Variants in CIT observed in about 807,000 individuals in gnomAD.
CIT encodes citron rho-interacting serine/threonine kinase.
CIT carries 79 observed loss-of-function variants against 272.7 expected under a neutral mutation model. The observed-to-expected ratio is 0.29, with a 90% CI of 0.24 to 0.35. The LOEUF (loss-of-function observed/expected upper bound fraction) is 0.35. Among genes scored for constraint, CIT ranks in the 10% least tolerant of loss-of-function variants. CIT has a pLI of 1.00. For synonymous variants in CIT, 948 were observed against 995.6 expected, an observed-to-expected ratio of 0.95 and a Z score of 0.90; for missense variants, 1,909 against 2,618.3, an observed-to-expected ratio of 0.73 and a Z score of 5.91.
intron 7 of CIT, among the ~76,000 whole-genome samples, chr12:119,831,152 C>T (rs1457432132): frequency 2.6e-5 from 4 of 152,144 alleles, no homozygotes; most frequent in Non-Finnish European, 2.9e-5. Context: ...GGCACTACAC[C>T]CGGCCCATAT....
rs1223315552 is a variant in CIT, at chr12:119,825,272, A to G, written c.850T>C (p.Cys284Arg). ...ATCACGCCCACTGACCACCAGTCAC[A>G]GTCCAGGCCGTAGGTGCCTTTTCCA... ...GDGKGTYGLD[C>R]DWWSVGVIAY... Residue 284 changes from cysteine (C) to arginine (R), a missense_variant, in exon 8 of 48, where the codon TGT becomes CGT. Around this residue, in one of 8 missense-constraint regions of CIT, gnomAD observed 529 missense variants for 549.6 expected, o/e 0.96. Transcript: ENST00000392521. The G allele has an allele frequency of 6.2e-7, 1 of 1,614,222 alleles. No individual in the cohort carries two copies. The highest frequency in any genetic ancestry group is 8.5e-7 in the Non-Finnish European group (1 of 1,180,048).
rs147388782 is a variant in CIT, at chr12:119,734,349, C to T, written c.3165G>A (p.Glu1055=). The T allele has an allele frequency of 1.9e-6, 3 of 1,612,846 alleles. No individual in the cohort carries two copies. The East Asian group carries it at 6.7e-5, about 36-fold the overall frequency. Residue 1055 remains glutamate (E), a synonymous_variant, in exon 26 of 48, where the codon GAG becomes GAA. Transcript: ENST00000392521. ...GCATGGTGCACGTGGTCTTCAGAGC[C>T]TCCATCGTCTGCAAATCAGTAGCAC... The part of the protein sequence containing the change: ...MQLTSQKQTM[E]ALKTTCTMLE...
intron 2 of CIT, among the ~76,000 whole-genome samples, chr12:119,871,231 G>T (rs1950668572): frequency 6.6e-6 from 1 of 152,042 alleles, no homozygotes; most frequent in African/African-American, 2.4e-5. Flanking sequence ...GCACCCACAT[G>T]TTCCAGTCCC....
rs1487758666 is a variant in CIT, at chr12:119,803,403, A to G, written c.1112-14T>C. 1 of 1,530,764 alleles carries G rather than the reference A, an allele frequency of 6.5e-7. No individual in the cohort carries two copies. The highest frequency in any genetic ancestry group is 8.8e-7 in the Non-Finnish European group (1 of 1,141,450). 94.8% of individuals were successfully genotyped at this position (1,530,764 alleles called of 1,614,324 possible). ...AGGGGGGAGGAGCTGGTTAAAGAAAAACAAGAAAGGAGGCGGGGAGGAAAA... is the reference window on the plus strand; with the variant it reads ...AGGGGGGAGGAGCTGGTTAAAGAAAGACAAGAAAGGAGGCGGGGAGGAAAA... On this transcript the variant is annotated splice_polypyrimidine_tract_variant and intron_variant, in intron 9 of 47. Coordinates refer to ENST00000392521, the MANE Select transcript of CIT (RefSeq NM_001206999.2).
At chr12:119,689,695 T>TA (rs869097475) in intron 47 of CIT, among the ~76,000 whole-genome samples, 2 of 142,202 alleles carry the variant, frequency 1.4e-5, no homozygotes, top group African/African-American at 2.7e-5. Flanking sequence ...TTTTTTTTTT[T>TA]AAGACAGAGT....
chr12:119,827,654 G>A (rs1043911301), intron 7 of CIT, among the ~76,000 whole-genome samples: 1 of 152,064 alleles, frequency 6.6e-6, no homozygotes, highest in Admixed American at 6.6e-5. Flanking sequence ...GGCCAGGATG[G>A]TCTCGATCTC....
chr12:119,813,410 C>G (rs1482971984), intron 9 of CIT, among the ~76,000 whole-genome samples: 4 of 152,204 alleles, frequency 2.6e-5, no homozygotes, highest in African/African-American at 9.7e-5. Context: ...GCTTTCATCT[C>G]TTTTGATTCC....
intron 20 of CIT, 78 bp downstream of exon 20, chr12:119,760,861 G>C: frequency 2.2e-6 from 2 of 902,036 alleles, no homozygotes; most frequent in South Asian, 2.7e-5. Flanking sequence ...AGGTGAAATA[G>C]AGTCTTATCA....
chr12:119,831,941 G>A (rs1465780310), intron 7 of CIT, among the ~76,000 whole-genome samples: 1 of 152,126 alleles, frequency 6.6e-6, no homozygotes, highest in Non-Finnish European at 1.5e-5. Context: ...TCTCAGACTT[G>A]GGGGGCATTT....
intron 9 of CIT, among the ~76,000 whole-genome samples, chr12:119,807,306 G>A (rs1040378669): frequency 6.6e-6 from 1 of 152,228 alleles, no homozygotes; most frequent in African/African-American, 2.4e-5. Context: ...AGAGATTAGA[G>A]AACTACTTTA....
At position 119,718,353 on chromosome 12, in the gene CIT, G is replaced by C. The variant is rs2137120287; in HGVS notation, c.4060C>G (p.Gln1354Glu). ...ACGATGGCGGACATGGCGATCTGCT[G>C]CCTCGCGGTGGCTGGCGTGGATGGG... Reference protein sequence around the residue: ...PHPSTPATARQQIAMSAIVRS... With the variant: ...PHPSTPATAREQIAMSAIVRS... The change falls in exon 32 of 48, where the codon CAG becomes GAG. Residue 1354 changes from glutamine (Q) to glutamate (E), a missense_variant. By Grantham distance (29) the Gln-to-Glu change is conservative. This residue lies in a region of CIT where 780 missense variants were observed against 1,067.2 expected (regional missense o/e 0.73). Coordinates refer to ENST00000392521, the MANE Select transcript of CIT (RefSeq NM_001206999.2). The surrounding 1 kb of genome is among the most constrained non-coding windows in gnomAD (Gnocchi z 4.8). 1 of 1,614,088 alleles carries C rather than the reference G, an allele frequency of 6.2e-7. No homozygotes were observed. The highest frequency in any genetic ancestry group is 1.3e-5 in the African/African-American group (1 of 75,072).
intron 4 of CIT, 22 bp from the exon 5 acceptor site, chr12:119,850,297 T>G (rs772449064): frequency 4.8e-6 from 7 of 1,472,358 alleles, no homozygotes; most frequent in Middle Eastern, 1.7e-4. Context: ...AGAAACTGCT[T>G]AGACAATTAT....
At chr12:119,817,643 C>G (rs575256110) in intron 9 of CIT, among the ~76,000 whole-genome samples, 4 of 152,272 alleles carry the variant, frequency 2.6e-5, no homozygotes, top group African/African-American at 4.8e-5. Context: ...ACCGGTTAGG[C>G]TCTTAGACTC....
At chr12:119,810,776 C>T (rs1395853919) in intron 9 of CIT, among the ~76,000 whole-genome samples, 2 of 150,118 alleles carry the variant, frequency 1.3e-5, no homozygotes, top group Non-Finnish European at 2.9e-5. Flanking sequence ...GATGGGAGTT[C>T]TTATCATGGG....
intron 5 of CIT, among the ~76,000 whole-genome samples, chr12:119,841,934 T>C (rs879290462): frequency 6.6e-6 from 1 of 152,180 alleles, no homozygotes; most frequent in Admixed American, 6.5e-5. Context: ...CCTTAGCTAA[T>C]ACATCTCTAC....
chr12:119,721,927 C>T (rs1350178102), intron 28 of CIT, among the ~76,000 whole-genome samples: 1 of 152,130 alleles, frequency 6.6e-6, no homozygotes, highest in Non-Finnish European at 1.5e-5. Flanking sequence ...TCATATCATC[C>T]CTTACTTAAT....
chr12:119,812,977 T>C (rs1966867755), intron 9 of CIT, among the ~76,000 whole-genome samples: 1 of 152,208 alleles, frequency 6.6e-6, no homozygotes, highest in African/African-American at 2.4e-5. Flanking sequence ...GGCACAGGCA[T>C]AGCAGGCACT....
chr12:119,718,657 T>G lies in CIT; in HGVS notation c.4003+42A>C. The G allele has an allele frequency of 6.2e-7, 1 of 1,609,710 alleles. No homozygotes were observed. The highest frequency in any genetic ancestry group is 8.5e-7 in the Non-Finnish European group (1 of 1,178,058). ...ATCTCACTGAGATCAATCCTCTGCC[T>G]TTTCCACATCCTTGAGCATTTTGGA... On this transcript the variant is annotated intron_variant, in intron 31 of 47. Coordinates refer to ENST00000392521, the MANE Select transcript of CIT (RefSeq NM_001206999.2). The surrounding 1 kb of genome is among the most constrained non-coding windows in gnomAD (Gnocchi z 4.8).
intron 7 of CIT, among the ~76,000 whole-genome samples, chr12:119,827,172 C>T (rs978029575): frequency 1.3e-5 from 2 of 152,076 alleles, no homozygotes; most frequent in Non-Finnish European, 2.9e-5. Flanking sequence ...TCAAGAAAGC[C>T]AGATGGTCAC....
Sources: allele counts gnomAD v4.1 joint callset (sites outside exome capture counted in the v4.1 genomes callset), GRCh38; gene constraint gnomAD v4.1.1; regional missense constraint gnomAD v4.1.1; non-coding constraint Gnocchi (gnomAD v3.1); transcripts MANE v1.5; gene names NCBI Gene and HGNC (gene_info 2026-07-23, HGNC 2026-07-21).